Variants in DOP1B observed in about 807,000 individuals in gnomAD.
The protein encoded by DOP1B is protein DOP1B.
Under a neutral mutation model 233.5 loss-of-function variants are expected in DOP1B, and 174 were observed. That is an observed-to-expected ratio of 0.75 (90% CI 0.66 to 0.85). DOP1B has a LOEUF of 0.85. DOP1B is among the 40% of genes least tolerant of loss of function. DOP1B has a pLI of 0.00. For synonymous variants in DOP1B, 1,190 were observed against 1,185.6 expected (o/e 1.00, Z -0.08); for missense variants, 2,652 against 2,846.6 (o/e 0.93, Z 1.56).
In DOP1B at chr21:36,292,158, G is replaced by C. The variant is rs748268149; in HGVS notation, c.6570G>C (p.Ser2190=). 3.1e-6 allele frequency: 5 copies of C among 1,611,774 alleles called. No homozygotes were observed. Among genetic ancestry groups the C allele is most frequent in the Non-Finnish European group, 3.4e-6 (4 of 1,179,168 alleles). The part of the protein sequence containing the change: ...EVDTEGPAFL[S]DVEENHQECK... ...ACACAGAGGGCCCTGCCTTCCTGTC[G>C]GATGTAGAGGAGAATCACCAAGAAT... Residue 2190 remains serine, a synonymous_variant, in exon 36 of 37, where the codon TCG becomes TCC. Coordinates refer to ENST00000691173, the MANE Select transcript of DOP1B (RefSeq NM_001320714.2).
At position 36,245,195 on chromosome 21, in the gene DOP1B, A is replaced by G. The variant is rs770539922; in HGVS notation, c.3215A>G (p.Glu1072Gly). The stretch of plus-strand genomic sequence containing the variant: ...CGTGAAGCCATTTGGGCCGAAGTGG[A>G]GAAGGAGCCCGAGAAGTACCCGCTG... ...VDREAIWAEV[E>G]KEPEKYPLRG... Residue 1072 changes from glutamate to glycine, a missense_variant, in exon 19 of 37, where the codon GAG becomes GGG. Physicochemically the swap from Glu to Gly is moderately conservative, Grantham distance 98 (BLOSUM62 -2). Coordinates refer to ENST00000691173, the MANE Select transcript of DOP1B (RefSeq NM_001320714.2). The surrounding 1 kb of genome is among the most constrained non-coding windows in gnomAD (Gnocchi z 5.5). 1 of 1,613,942 alleles carries G rather than the reference A, an allele frequency of 6.2e-7. No individual in the cohort carries two copies. The highest frequency in any genetic ancestry group is 8.5e-7 in the Non-Finnish European group (1 of 1,180,044).
At chr21:36,257,927 G>A (rs62232370) in intron 23 of DOP1B, among the ~76,000 whole-genome samples, 38,783 of 148,124 alleles carry the variant, frequency 0.26, 5,388 homozygotes, top group Admixed American at 0.32. Flanking sequence ...ATGTAGGTAC[G>A]TAGGTAGATA....
At position 36,227,731 on chromosome 21, in the gene DOP1B, G is replaced by C. The variant is rs551407018; in HGVS notation, c.1519G>C (p.Gly507Arg). The change falls in exon 13 of 37, where the codon GGC becomes CGC. Residue 507 changes from glycine (G) to arginine (R), a missense_variant. Gly to Arg is a moderately radical substitution (Grantham distance 125, BLOSUM62 -2). This residue lies in a region of DOP1B where 2,617 missense variants were observed against 2,794.3 expected (regional missense o/e 0.94). Coordinates refer to ENST00000691173, the MANE Select transcript of DOP1B (RefSeq NM_001320714.2). Reference protein sequence around the residue: ...VQTQYLPQVLGCLVQPLAEDM... With the variant: ...VQTQYLPQVLRCLVQPLAEDM... ...AACCCAGTATCTCCCTCAGGTGCTC[G>C]GCTGCCTGGTGCAGCCTCTTGCTGA... 4 of 1,605,182 alleles carry C rather than the reference G, an allele frequency of 2.5e-6. No homozygotes were observed. The South Asian group carries it at 3.3e-5, about 13-fold the overall frequency.
chr21:36,251,071 C>T (rs1279780467), intron 21 of DOP1B, 91 bp from the exon 22 acceptor site: 1 of 1,477,100 alleles, frequency 6.8e-7, no homozygotes, highest in African/African-American at 1.4e-5. Flanking sequence ...AGGGTCCTTG[C>T]TCTCGGTATG....
At chr21:36,178,176 T>C (rs2066053117) in intron 2 of DOP1B, among the ~76,000 whole-genome samples, 1 of 152,146 alleles carries the variant, frequency 6.6e-6, no homozygotes. Flanking sequence ...GACCCTAATT[T>C]AATAGGACTG....
At chr21:36,185,038 G>A (rs1032625271) in intron 2 of DOP1B, among the ~76,000 whole-genome samples, 18 of 152,288 alleles carry the variant, frequency 1.2e-4, no homozygotes, top group East Asian at 3.9e-4. Flanking sequence ...ACTGTGTCCC[G>A]AAGGCGTTCT....
chr21:36,261,007 A>G (rs1601460336), intron 24 of DOP1B: 13 of 1,181,372 alleles, frequency 1.1e-5, no homozygotes, highest in Non-Finnish European at 1.3e-5. Context: ...TTGGATTTGC[A>G]TTAAATTGAT....
Position 36,247,777 on chromosome 21 carries a change from A to G in DOP1B, c.4809+149A>G, listed in dbSNP as rs534169701. On this transcript the variant is annotated intron_variant, in intron 20 of 36. Transcript: ENST00000691173. ...ATGCAAATGTGAATGCAAATATTAC[A>G]TAAGTCACGTACACACGTATGCAAA... 39 of 593,414 alleles carry G rather than the reference A, an allele frequency of 6.6e-5. 1 individual carries two copies. In the South Asian group the frequency reaches 8.4e-4, roughly 13 times the overall value. 36.8% of individuals were successfully genotyped at this position (593,414 alleles called of 1,614,324 possible). A position where few individuals can be genotyped will look rare whatever the true frequency, so the allele number is the denominator to read the frequency against.
At chr21:36,243,131 C>T (rs143108692) in intron 18 of DOP1B, among the ~76,000 whole-genome samples, 6,028 of 152,024 alleles carry the variant, frequency 0.04, 216 homozygotes, top group African/African-American at 0.1. Flanking sequence ...AGGCACGCGC[C>T]GCCACGCCCA....
chr21:36,162,080 A>C (rs1416259888), intron 1 of DOP1B, among the ~76,000 whole-genome samples: 1 of 152,200 alleles, frequency 6.6e-6, no homozygotes, highest in Admixed American at 6.5e-5. Flanking sequence ...GTATTCCTAT[A>C]GTTCTGGAGG....
intron 2 of DOP1B, among the ~76,000 whole-genome samples, chr21:36,197,720 G>A (rs1451074560): frequency 1.3e-5 from 2 of 152,090 alleles, no homozygotes; most frequent in African/African-American, 4.8e-5. Flanking sequence ...TTTAAGAAAC[G>A]TGAACTTGGC....
chr21:36,203,053 G>A (rs189221697), intron 4 of DOP1B, among the ~76,000 whole-genome samples: 289 of 152,376 alleles, frequency 1.9e-3, no homozygotes, highest in Middle Eastern at 3.4e-3. Flanking sequence ...CACACTAGAA[G>A]TGTAAATAGT....
In DOP1B at chr21:36,231,184, C is replaced by G. The variant is rs374251780; in HGVS notation, c.2350+50C>G. ...CCTCTTTGGGAATCATACGATGAGG[C>G]GATTGACGTGGGTGGAATATCCCCT... is the stretch of plus-strand genomic sequence containing the variant. On this transcript the variant is annotated intron_variant, in intron 14 of 36. Transcript: ENST00000691173. 1.0e-5 allele frequency: 16 copies of G among 1,527,584 alleles called. No homozygotes were observed. In the African/African-American group the frequency reaches 2.1e-4, roughly 20 times the overall value. The allele number at this position is 1,527,584 out of a possible 1,614,324, so 94.6% of individuals were successfully genotyped here. A position where few individuals can be genotyped will look rare whatever the true frequency, so the allele number is the denominator to read the frequency against.
At chr21:36,203,232 A>T (rs2066390007) in intron 4 of DOP1B, among the ~76,000 whole-genome samples, 1 of 152,228 alleles carries the variant, frequency 6.6e-6, no homozygotes, top group African/African-American at 2.4e-5. Context: ...AGAAAACCAA[A>T]TGCAGTGTGG....
At chr21:36,196,850 T>G (rs1601402583) in intron 2 of DOP1B, among the ~76,000 whole-genome samples, 1 of 152,040 alleles carries the variant, frequency 6.6e-6, no homozygotes, top group African/African-American at 2.4e-5. Flanking sequence ...AACCTGGAGG[T>G]TGAAGCTGCA....
chr21:36,204,620 A>G (rs1368210859), intron 4 of DOP1B, among the ~76,000 whole-genome samples: 3 of 149,690 alleles, frequency 2.0e-5, no homozygotes, highest in Non-Finnish European at 3.0e-5. Context: ...AAGCACTGAG[A>G]TTACAGGCAT....
intron 4 of DOP1B, among the ~76,000 whole-genome samples, chr21:36,207,202 T>G (rs958948850): frequency 1.3e-5 from 2 of 151,350 alleles, no homozygotes; most frequent in Admixed American, 6.6e-5. Context: ...TTTTTTTTTT[T>G]GAGACAGAGT....
intron 35 of DOP1B, among the ~76,000 whole-genome samples, chr21:36,289,849 A>G (rs2067536519): frequency 6.6e-6 from 1 of 152,232 alleles, no homozygotes; most frequent in African/African-American, 2.4e-5. Context: ...AGGCAAAACC[A>G]TGGAGACAGT....
At chr21:36,188,132 A>G (rs1006358068) in intron 2 of DOP1B, among the ~76,000 whole-genome samples, 1 of 152,228 alleles carries the variant, frequency 6.6e-6, no homozygotes, top group Non-Finnish European at 1.5e-5. Flanking sequence ...TGGATAACTC[A>G]TGCTGAGAGC....
Sources: allele counts gnomAD v4.1 joint callset (sites outside exome capture counted in the v4.1 genomes callset), GRCh38; gene constraint gnomAD v4.1.1; regional missense constraint gnomAD v4.1.1; non-coding constraint Gnocchi (gnomAD v3.1); transcripts MANE v1.5; gene names NCBI Gene and HGNC (gene_info 2026-07-23, HGNC 2026-07-21).